CSMD1: variants seen among roughly 807,000 people sequenced by gnomAD.
CSMD1 encodes the protein CUB and sushi domain-containing protein 1.
CSMD1 carries 213 observed loss-of-function variants against 417.5 expected under a neutral mutation model. The observed-to-expected ratio is 0.51, with a 90% CI of 0.46 to 0.57. The LOEUF is 0.57. Among genes scored for constraint, CSMD1 ranks in the 20% least tolerant of loss-of-function variants. CSMD1 has a pLI of 0.00. For missense variants in CSMD1, 6,923 were observed against 4,529.7 expected (o/e 1.53, Z -15.17); for synonymous variants, 2,862 against 1,736.8 (o/e 1.65, Z -16.11).
intron 3 of CSMD1, among the ~76,000 whole-genome samples, chr8:4,136,919 C>T (rs983216051): frequency 1.3e-5 from 2 of 152,218 alleles, no homozygotes; most frequent in Non-Finnish European, 2.9e-5. Context: ...GCCACTCTTT[C>T]TCCCAAGTAC....
At chr8:3,263,915 T>G (rs1766174155) in intron 26 of CSMD1, among the ~76,000 whole-genome samples, 1 of 152,224 alleles carries the variant, frequency 6.6e-6, no homozygotes, top group Admixed American at 6.5e-5. Flanking sequence ...TAAAAACACT[T>G]TTTACCTAAT....
intron 19 of CSMD1, among the ~76,000 whole-genome samples, chr8:3,368,663 C>G (rs548156992): frequency 6.6e-6 from 1 of 152,076 alleles, no homozygotes; most frequent in African/African-American, 2.4e-5. Context: ...AAAGATGACA[C>G]GTTTAGTCAC....
intron 5 of CSMD1, among the ~76,000 whole-genome samples, chr8:3,901,587 G>A (rs62480080): frequency 0.06 from 9,170 of 152,258 alleles, 332 homozygotes; most frequent in South Asian, 0.14. Flanking sequence ...GGAGAGCCTT[G>A]GGGCTCAGAT....
At chr8:3,647,875 G>C (rs746125460) in intron 7 of CSMD1, among the ~76,000 whole-genome samples, 4 of 152,232 alleles carry the variant, frequency 2.6e-5, no homozygotes, top group Non-Finnish European at 5.9e-5. Flanking sequence ...TCTTGTAACT[G>C]TTCTGTGTAA....
At chr8:3,523,237 C>T (rs569960549) in intron 10 of CSMD1, among the ~76,000 whole-genome samples, 14 of 152,230 alleles carry the variant, frequency 9.2e-5, no homozygotes, top group Admixed American at 2.0e-4. Context: ...CATAGTAAGA[C>T]CTAAAGCATC....
intron 1 of CSMD1, among the ~76,000 whole-genome samples, chr8:4,822,689 T>A (rs1461887210): frequency 6.6e-6 from 1 of 152,136 alleles, no homozygotes; most frequent in Non-Finnish European, 1.5e-5. Flanking sequence ...TAATTAGCCA[T>A]ATACAATGTT....
chr8:4,817,436 G>C (rs1799271815), intron 1 of CSMD1, among the ~76,000 whole-genome samples: 1 of 152,232 alleles, frequency 6.6e-6, no homozygotes, highest in African/African-American at 2.4e-5. Context: ...TGTTTTCATA[G>C]AAGTAGGAGC....
intron 33 of CSMD1, among the ~76,000 whole-genome samples, chr8:3,191,848 G>C (rs1437209615): frequency 2.0e-5 from 3 of 152,160 alleles, no homozygotes; most frequent in East Asian, 1.9e-4. Flanking sequence ...ACAGTATTTA[G>C]GTACTGTCTC....
At chr8:3,176,391 G>T (rs1820937743) in intron 37 of CSMD1, among the ~76,000 whole-genome samples, 2 of 151,942 alleles carry the variant, frequency 1.3e-5, no homozygotes, top group Non-Finnish European at 2.9e-5. Context: ...AAAGTTATGT[G>T]GGGGACAGAT....
intron 3 of CSMD1, among the ~76,000 whole-genome samples, chr8:4,144,094 A>G (rs1197185590): frequency 1.3e-5 from 2 of 151,104 alleles, no homozygotes; most frequent in Non-Finnish European, 2.9e-5. Flanking sequence ...TTAACTTTAG[A>G]AAGTTTGAGT....
intron 7 of CSMD1, among the ~76,000 whole-genome samples, chr8:3,675,324 G>C (rs1399651157): frequency 6.6e-6 from 1 of 152,154 alleles, no homozygotes; most frequent in Admixed American, 6.5e-5. Context: ...CGTCTCCACT[G>C]TCTAACATGT....
At chr8:4,018,437 T>TA (rs1469195958) in intron 4 of CSMD1, among the ~76,000 whole-genome samples, 2 of 152,144 alleles carry the variant, frequency 1.3e-5, no homozygotes, top group Non-Finnish European at 2.9e-5. Context: ...AATCTCTGAG[T>TA]AGCTGCAGGT....
intron 6 of CSMD1, among the ~76,000 whole-genome samples, chr8:3,738,029 T>G (rs553292567): frequency 6.6e-6 from 1 of 152,316 alleles, no homozygotes; most frequent in Non-Finnish European, 1.5e-5. Flanking sequence ...GGGCCATGTC[T>G]CCCTTTCTGG....
intron 5 of CSMD1, among the ~76,000 whole-genome samples, chr8:3,901,849 G>T (rs981748514): frequency 3.3e-5 from 5 of 152,144 alleles, no homozygotes; most frequent in Middle Eastern, 3.2e-3. Context: ...TATTACCATG[G>T]TTTTATTATA....
chr8:4,670,466 T>C (rs945756448), intron 1 of CSMD1, among the ~76,000 whole-genome samples: 8 of 152,196 alleles, frequency 5.3e-5, no homozygotes, highest in African/African-American at 1.9e-4. Flanking sequence ...GCTAGATACG[T>C]GGTGGTCTTT....
At chr8:3,026,224 A>T (rs1191848937) in intron 51 of CSMD1, among the ~76,000 whole-genome samples, 1 of 152,084 alleles carries the variant, frequency 6.6e-6, no homozygotes, top group Non-Finnish European at 1.5e-5. Flanking sequence ...CCAGGAGCTT[A>T]GTATTTCCCC....
At chr8:4,222,319 G>T (rs766017331) in intron 3 of CSMD1, among the ~76,000 whole-genome samples, 2 of 152,052 alleles carry the variant, frequency 1.3e-5, no homozygotes, top group East Asian at 3.9e-4. Context: ...GAAAACTTGG[G>T]GGATACAGTA....
intron 2 of CSMD1, among the ~76,000 whole-genome samples, chr8:4,611,630 T>G (rs986965332): frequency 6.6e-6 from 1 of 152,174 alleles, no homozygotes; most frequent in Non-Finnish European, 1.5e-5. Context: ...CTCCTATAAA[T>G]GTAAGTCATT....
At chr8:4,741,173 A>C (rs904417894) in intron 1 of CSMD1, among the ~76,000 whole-genome samples, 3 of 152,262 alleles carry the variant, frequency 2.0e-5, no homozygotes, top group African/African-American at 7.2e-5. Context: ...CTAGACACTT[A>C]TGTAAGTGTC....
Sources: gnomAD v4.1 joint callset for allele counts (sites outside exome capture counted in the v4.1 genomes callset) on GRCh38, gnomAD v4.1.1 for gene constraint, MANE v1.5 for transcripts, NCBI Gene and HGNC (gene_info 2026-07-23, HGNC 2026-07-21) for gene names.